The following NRIP1 variants were observed in gnomAD, a reference collection of about 807,000 sequenced individuals.
NRIP1 encodes the protein nuclear receptor interacting protein 1, also known as nuclear receptor-interacting protein 1.
NRIP1 carries 28 observed loss-of-function variants against 75.0 expected under a neutral mutation model. The ratio of observed to expected loss-of-function variants is 0.37; its 90% CI spans 0.28 to 0.51. The LOEUF (loss-of-function observed/expected upper bound fraction) is 0.51. NRIP1 is among the 20% of genes least tolerant of loss of function. NRIP1 has a pLI of 0.92. For missense variants in NRIP1, 1,435 were observed against 1,343.7 expected, an observed-to-expected ratio of 1.07 and a Z score of -1.06; for synonymous variants, 526 against 487.6, an observed-to-expected ratio of 1.08 and a Z score of -1.04.
At chr21:14,993,532 T>C (rs1446214146) in intron 3 of NRIP1, among the ~76,000 whole-genome samples, 1 of 152,180 alleles carries the variant, frequency 6.6e-6, no homozygotes, top group Admixed American at 6.5e-5. Context: ...CAGTTTAACA[T>C]GTATAACAAT....
intron 3 of NRIP1, among the ~76,000 whole-genome samples, chr21:15,012,225 T>G (rs539559910): frequency 8.5e-4 from 130 of 152,334 alleles, no homozygotes; most frequent in African/African-American, 3.1e-3. Flanking sequence ...AGACATTCTA[T>G]ACTTTGACCC....
rs1304735383 is a variant in NRIP1 at position 14,961,722 on chromosome 21, G to A, written c.*2994C>T. The A allele has an allele frequency of 6.6e-6, 1 of 152,244 alleles. No homozygotes were observed. The highest frequency in any genetic ancestry group is 2.4e-5 in the African/African-American group (1 of 41,354). The allele number at this position is 152,244 out of a possible 1,614,324, so 9.4% of individuals were successfully genotyped here. On this transcript the variant is annotated 3_prime_UTR_variant, in exon 4 of 4. Transcript: ENST00000318948. ...TTTGCCAAATGCACAGATGCACAGG[G>A]TCCCCCATGCACTTTTCATGCAGCA... is the stretch of plus-strand genomic sequence containing the variant.
intron 3 of NRIP1, among the ~76,000 whole-genome samples, chr21:14,986,286 C>A (rs1216545200): frequency 1.3e-5 from 2 of 152,102 alleles, no homozygotes; most frequent in African/African-American, 4.8e-5. Context: ...TAGTGAAATT[C>A]CCTTTTAAAT....
chr21:15,043,113 A>T (rs9975783), intron 2 of NRIP1, among the ~76,000 whole-genome samples: 3,141 of 152,342 alleles, frequency 0.021, 110 homozygotes, highest in African/African-American at 0.071. Context: ...GAGCTGTCAC[A>T]GGCAGGAAGA....
chr21:14,977,520 G>A (rs2087106390), intron 3 of NRIP1, among the ~76,000 whole-genome samples: 5 of 152,120 alleles, frequency 3.3e-5, no homozygotes, highest in African/African-American at 9.7e-5. Context: ...TAACATTTTA[G>A]GTATGGGTCC....
chr21:15,019,901 C>T (rs147629300), intron 2 of NRIP1, among the ~76,000 whole-genome samples: 301 of 152,218 alleles, frequency 2.0e-3, no homozygotes, highest in African/African-American at 6.5e-3. Context: ...CGGTGGCTCA[C>T]GCCTGCAATT....
rs1337676972 is a variant in NRIP1, at chr21:14,968,261, C to T, written c.-69G>A. On this transcript the variant is annotated 5_prime_UTR_variant, in exon 4 of 4. Coordinates refer to ENST00000318948, the MANE Select transcript of NRIP1 (RefSeq NM_003489.4). Reference sequence around the variant, plus strand: ...AAAGAATGGTTTTCTGTGGTGAGTGCGATGTAACTTTAATAAAGGAGTATC... The same window carrying T: ...AAAGAATGGTTTTCTGTGGTGAGTGTGATGTAACTTTAATAAAGGAGTATC... 17 of 1,042,172 alleles carry T rather than the reference C, an allele frequency of 1.6e-5. No individual in the cohort carries two copies. The highest frequency in any genetic ancestry group is 7.3e-5 in the East Asian group (3 of 41,344). 64.6% of individuals were successfully genotyped at this position (1,042,172 alleles called of 1,614,324 possible).
chr21:14,997,715 T>TTA (rs950733429), intron 3 of NRIP1, among the ~76,000 whole-genome samples: 4 of 148,672 alleles, frequency 2.7e-5, no homozygotes, highest in South Asian at 2.1e-4. Flanking sequence ...ATTTTTATAT[T>TTA]TATATATATA....
At chr21:15,025,947 G>C (rs2088507495) in intron 2 of NRIP1, among the ~76,000 whole-genome samples, 1 of 152,284 alleles carries the variant, frequency 6.6e-6, no homozygotes, top group Admixed American at 6.5e-5. Flanking sequence ...GAATCCTTTT[G>C]CTGAAAAGGA....
chr21:14,972,044 G>A (rs772688033), intron 3 of NRIP1, among the ~76,000 whole-genome samples: 2 of 152,188 alleles, frequency 1.3e-5, no homozygotes, highest in African/African-American at 2.4e-5. Context: ...ATCAAAGATT[G>A]TGGTCACGTG....
chr21:15,018,720 G>A (rs1264907021), intron 2 of NRIP1, among the ~76,000 whole-genome samples: 4 of 152,040 alleles, frequency 2.6e-5, no homozygotes, highest in Non-Finnish European at 4.4e-5. Flanking sequence ...CTGAAGGGAC[G>A]GAGAACACAA....
chr21:15,045,311 C>T (rs2089046533), intron 1 of NRIP1, among the ~76,000 whole-genome samples: 1 of 152,104 alleles, frequency 6.6e-6, no homozygotes, highest in Admixed American at 6.6e-5. Flanking sequence ...ATAGTGGGTT[C>T]CATTCCAGAT....
chr21:15,006,665 C>T (rs1488673687), intron 3 of NRIP1, among the ~76,000 whole-genome samples: 1 of 152,074 alleles, frequency 6.6e-6, no homozygotes, highest in Non-Finnish European at 1.5e-5. Flanking sequence ...AAAAAACAGA[C>T]TAAATAAATT....
At chr21:14,981,599 T>C (rs1187403528) in intron 3 of NRIP1, among the ~76,000 whole-genome samples, 1 of 151,104 alleles carries the variant, frequency 6.6e-6, no homozygotes, top group Non-Finnish European at 1.5e-5. Flanking sequence ...TCAGGGCTTT[T>C]GTGATTTCAA....
chr21:15,022,385 G>A (rs1024391384), intron 2 of NRIP1, among the ~76,000 whole-genome samples: 7 of 152,202 alleles, frequency 4.6e-5, no homozygotes, highest in South Asian at 2.1e-4. Context: ...GGCCTGTTGG[G>A]TGGGAGGTGT....
Position 14,965,495 on chromosome 21 carries a change from G to A in NRIP1, c.2698C>T (p.Leu900=). Residue 900 remains leucine, a synonymous_variant, in exon 4 of 4, where the codon CTG becomes TTG. Transcript: ENST00000318948. ...TCAAGATCATTTCTGCTAAATTTCA[G>A]CTCTTCCTGGTTAAGCAAGGACCCA... The part of the protein sequence containing the change: ...LYGSLLNQEE[L]KFSRNDLEFK... 6.2e-7 allele frequency: 1 copy of A among 1,613,912 alleles called. No homozygotes were observed. Among genetic ancestry groups the A allele is most frequent in the Middle Eastern group, 1.7e-4 (1 of 6,058 alleles).
chr21:15,014,606 T>A, intron 2 of NRIP1, 140 bp from the exon 3 acceptor site: 6 of 395,574 alleles, frequency 1.5e-5, no homozygotes, highest in East Asian at 3.6e-5. Flanking sequence ...AAAATATCAA[T>A]TGTTTATGAA....
intron 3 of NRIP1, among the ~76,000 whole-genome samples, chr21:14,986,018 T>C (rs2087391738): frequency 6.6e-6 from 1 of 152,174 alleles, no homozygotes; most frequent in Non-Finnish European, 1.5e-5. Flanking sequence ...TTTATTTTTT[T>C]ACAGTATCAA....
chr21:15,044,967 T>A (rs555217990), intron 1 of NRIP1, among the ~76,000 whole-genome samples: 116 of 152,266 alleles, frequency 7.6e-4, no homozygotes, highest in African/African-American at 2.6e-3. Context: ...TATGCCAGGC[T>A]TAAGTAAAAA....
Sources: allele counts gnomAD v4.1 joint callset (sites outside exome capture counted in the v4.1 genomes callset), GRCh38; gene constraint gnomAD v4.1.1; transcripts MANE v1.5; gene names NCBI Gene and HGNC (gene_info 2026-07-23, HGNC 2026-07-21).